The following SLIT1 variants were observed in gnomAD, a reference collection of about 807,000 sequenced individuals.
SLIT1 encodes slit homolog 1 protein.
SLIT1 carries 66 observed loss-of-function variants against 186.1 expected under a neutral mutation model. The observed-to-expected ratio is 0.35, with a 90% CI of 0.29 to 0.44. The LOEUF is 0.44. Among genes scored for constraint, SLIT1 ranks in the 20% least tolerant of loss-of-function variants. The pLI is 1.00. For synonymous variants in SLIT1, 761 were observed against 833.8 expected, an observed-to-expected ratio of 0.91 and a Z score of 1.50; for missense variants, 1,638 against 2,037.4, an observed-to-expected ratio of 0.80 and a Z score of 3.77.
chr10:97,102,336 G>T (rs1048040829), intron 4 of SLIT1: 2 of 148,514 alleles, frequency 1.3e-5, no homozygotes, highest in African/African-American at 5.0e-5. Context: ...CAGGAGAGTC[G>T]CTTGAATCCA....
rs771132268 is a variant in SLIT1 at position 97,059,492 on chromosome 10, G to A, written c.1053C>T (p.Asp351=). 38 of 1,613,690 alleles carry A rather than the reference G, an allele frequency of 2.4e-5. No homozygotes were observed. The highest frequency in any genetic ancestry group is 3.3e-4 in the Middle Eastern group (2 of 6,084). The change falls in exon 11 of 37, where the codon GAC becomes GAT. Residue 351 remains aspartate (D), a synonymous_variant. Coordinates refer to ENST00000266058, the MANE Select transcript of SLIT1 (RefSeq NM_003061.3). ...SNNQIAEIAP[D]AFQGLRSLNS... The stretch of plus-strand genomic sequence containing the variant: ...TCAGGGAGCGGAGGCCCTGGAAGGC[G>A]TCGGGTGCAATCTCAGCGATCTGAT...
Position 97,042,884 on chromosome 10 carries a change from G to C in SLIT1, c.2164+17C>G. 6 of 1,609,966 alleles carry C rather than the reference G, an allele frequency of 3.7e-6. No individual in the cohort carries two copies. The highest frequency in any genetic ancestry group is 5.1e-6 in the Non-Finnish European group (6 of 1,177,338). On this transcript the variant is annotated intron_variant, in intron 20 of 36. Transcript: ENST00000266058. ...CCAGGGCGCCCTCTCCCTTGCCACC[G>C]GGGGGCCACGAGTTACCTTCCTCAC...
At chr10:97,085,956 C>T (rs553507377) in intron 4 of SLIT1, among the ~76,000 whole-genome samples, 1 of 152,314 alleles carries the variant, frequency 6.6e-6, no homozygotes, top group African/African-American at 2.4e-5. Flanking sequence ...GCACTGACAA[C>T]GCCAGTGGCA....
intron 26 of SLIT1, among the ~76,000 whole-genome samples, chr10:97,020,264 C>T (rs1848490858): frequency 6.6e-6 from 1 of 152,074 alleles, no homozygotes; most frequent in Admixed American, 6.5e-5. Context: ...TGAGCCACCA[C>T]GCCCAGCTGG....
chr10:97,094,898 A>AT (rs1239481007), intron 4 of SLIT1, among the ~76,000 whole-genome samples: 2 of 152,368 alleles, frequency 1.3e-5, no homozygotes, highest in Admixed American at 1.3e-4. Context: ...ATAAACGCAA[A>AT]TGAGCACATC....
chr10:97,060,042 G>A (rs200325979), intron 10 of SLIT1, 45 bp downstream of exon 10: 565 of 1,514,336 alleles, frequency 3.7e-4, no homozygotes, highest in Non-Finnish European at 4.7e-4. Context: ...CAGGATCTCC[G>A]TCAGCCCTGT....
At chr10:97,073,220 A>AC (rs1324717144) in intron 4 of SLIT1, among the ~76,000 whole-genome samples, 4 of 151,658 alleles carry the variant, frequency 2.6e-5, no homozygotes, top group African/African-American at 9.7e-5. Context: ...CTGTGTGGAA[A>AC]CCCCCCAAAA....
chr10:97,166,934 G>A lies in SLIT1; in HGVS notation c.198-2044C>T, dbSNP rs930913073. 3.9e-5 allele frequency among the ~76,000 whole-genome samples: 6 copies of A among 152,210 alleles called. No homozygotes were observed. The East Asian group carries it at 5.8e-4, about 15-fold the overall frequency. On this transcript the variant is annotated intron_variant, in intron 1 of 36. Transcript: ENST00000266058. ...CTGAACCCGTGGCCATCTGACCCGCGGGCCCAGGCTTTTTCTACCAGGTCA... is the reference window on the plus strand; with the variant it reads ...CTGAACCCGTGGCCATCTGACCCGCAGGCCCAGGCTTTTTCTACCAGGTCA...
intron 34 of SLIT1, among the ~76,000 whole-genome samples, chr10:97,003,374 C>T (rs116018359): frequency 0.012 from 1,845 of 152,348 alleles, 34 homozygotes; most frequent in African/African-American, 0.041. Context: ...TCACGTGTGG[C>T]GCTAGGTCAC....
rs141834543 is a variant in SLIT1, at chr10:97,156,117, A to C, written c.413+1701T>G. 5.3e-4 allele frequency among the ~76,000 whole-genome samples: 81 copies of C among 152,338 alleles called. No individual in the cohort carries two copies. The East Asian group carries it at 0.014, about 26-fold the overall frequency. On this transcript the variant is annotated intron_variant, in intron 4 of 36. Transcript: ENST00000266058. The stretch of plus-strand genomic sequence containing the variant: ...TTGGCCAACCTATCAGTTACAGGAA[A>C]ACTGGAGGAGAAGGCCCAACTCAAG...
chr10:97,063,887 C>T (rs967791964), intron 7 of SLIT1, among the ~76,000 whole-genome samples: 1 of 152,180 alleles, frequency 6.6e-6, no homozygotes, highest in Non-Finnish European at 1.5e-5. Context: ...AATGACCTTG[C>T]ACAGGCTCAC....
At chr10:97,103,486 C>T (rs770947910) in intron 4 of SLIT1, 1 of 152,156 alleles carries the variant, frequency 6.6e-6, no homozygotes, top group African/African-American at 2.4e-5. Flanking sequence ...CTTCCAAGGC[C>T]CCTTGGTGAG....
At chr10:97,120,422 G>A (rs913136040) in intron 4 of SLIT1, among the ~76,000 whole-genome samples, 1 of 152,208 alleles carries the variant, frequency 6.6e-6, no homozygotes, top group African/African-American at 2.4e-5. Flanking sequence ...TCTGAAAAGT[G>A]TGTGTCCTCC....
chr10:97,063,413 A>C, intron 8 of SLIT1, 42 bp downstream of exon 8: 1 of 1,605,492 alleles, frequency 6.2e-7, no homozygotes, highest in Non-Finnish European at 8.5e-7. Context: ...GCAGGGCAGG[A>C]GGCGCCGGAC....
At position 97,021,975 on chromosome 10, in the gene SLIT1, G is replaced by GC. The variant is rs1212306967; in HGVS notation, c.2583-563dup. Among the ~76,000 whole-genome samples, 1 of 152,218 alleles carries GC rather than the reference G, an allele frequency of 6.6e-6. No homozygotes were observed. The highest frequency in any genetic ancestry group is 2.4e-5 in the African/African-American group (1 of 41,458). On this transcript the variant is annotated intron_variant, in intron 25 of 36. Transcript: ENST00000266058. This position sits in a 1 kb window ranked among gnomAD's most constrained non-coding sequence, Gnocchi z 4.5. ...GAGGCTCAAAAAGGCTGAGGAATTTGCCTAAGATCACACAGAGAAACGGGA... is the reference window on the plus strand; with the variant it reads ...GAGGCTCAAAAAGGCTGAGGAATTTGCCCTAAGATCACACAGAGAAACGGGA...
At chr10:97,074,390 G>C (rs1387456324) in intron 4 of SLIT1, among the ~76,000 whole-genome samples, 1 of 152,194 alleles carries the variant, frequency 6.6e-6, no homozygotes, top group East Asian at 1.9e-4. Context: ...CATGGCGAGA[G>C]ACCACAGCTC....
intron 4 of SLIT1, among the ~76,000 whole-genome samples, chr10:97,070,887 T>C (rs531914398): frequency 6.6e-6 from 1 of 152,324 alleles, no homozygotes; most frequent in East Asian, 1.9e-4. Context: ...GGCACAATCA[T>C]AGCACACTGT....
intron 1 of SLIT1, among the ~76,000 whole-genome samples, chr10:97,182,785 C>T (rs1439532734): frequency 7.9e-5 from 12 of 152,224 alleles, no homozygotes; most frequent in Admixed American, 7.2e-4. Context: ...GGTCCATCTG[C>T]CCATATCGGG....
intron 4 of SLIT1, among the ~76,000 whole-genome samples, chr10:97,074,303 C>T (rs557701864): frequency 1.8e-4 from 28 of 152,334 alleles, no homozygotes; most frequent in African/African-American, 5.3e-4. Context: ...AATCCCTCTC[C>T]GTTTTCCCGG....
Sources: allele counts gnomAD v4.1 joint callset (sites outside exome capture counted in the v4.1 genomes callset), GRCh38; gene constraint gnomAD v4.1.1; non-coding constraint Gnocchi (gnomAD v3.1); transcripts MANE v1.5; gene names NCBI Gene and HGNC (gene_info 2026-07-23, HGNC 2026-07-21).